Variants in RGS9 observed in about 807,000 individuals in gnomAD.
RGS9 encodes the protein regulator of G protein signaling 9, also known as regulator of G-protein signalling 9.
RGS9 carries 78 observed loss-of-function variants against 102.0 expected under a neutral mutation model. The ratio of observed to expected loss-of-function variants is 0.76; its 90% CI spans 0.64 to 0.92. The LOEUF is 0.92. Ranked by LOEUF, RGS9 falls within the 40% of genes least tolerant of loss-of-function variation. RGS9 has a pLI of 0.00. For missense variants in RGS9, 833 were observed against 866.1 expected (o/e 0.96, Z 0.48); for synonymous variants, 353 against 318.6 (o/e 1.11, Z -1.15).
intron 9 of RGS9, among the ~76,000 whole-genome samples, chr17:65,185,773 CA>C (rs1207288068): frequency 3.9e-5 from 6 of 152,154 alleles, no homozygotes; most frequent in African/African-American, 1.4e-4. Context: ...CAGGAGTATA[CA>C]AATTGTAAAC....
chr17:65,178,902 T>C (rs1911748154), intron 9 of RGS9, among the ~76,000 whole-genome samples: 1 of 152,130 alleles, frequency 6.6e-6, no homozygotes, highest in Admixed American at 6.6e-5. Flanking sequence ...TCCATTCCTC[T>C]CCCTGCCCAC....
chr17:65,214,884 AC>A (rs1402141319), intron 17 of RGS9, among the ~76,000 whole-genome samples: 1 of 151,988 alleles, frequency 6.6e-6, no homozygotes, highest in Non-Finnish European at 1.5e-5. Context: ...CTCCCCATCC[AC>A]CCCTGGCTGA....
At chr17:65,188,956 G>T in intron 9 of RGS9, 1 of 358,754 alleles carries the variant, frequency 2.8e-6, no homozygotes, top group African/African-American at 2.1e-5. Context: ...ACAGGAATCT[G>T]TATCTCTCAC....
intron 11 of RGS9, among the ~76,000 whole-genome samples, chr17:65,191,685 T>C (rs1001925530): frequency 6.6e-6 from 1 of 152,102 alleles, no homozygotes; most frequent in Non-Finnish European, 1.5e-5. Context: ...AGGAGGTGGC[T>C]TCAGTGAGCT....
chr17:65,172,313 C>T lies in RGS9; in HGVS notation c.582+4032C>T, dbSNP rs185335700. 3.5e-3 allele frequency among the ~76,000 whole-genome samples: 529 copies of T among 152,220 alleles called. 1 individual carries two copies. Among genetic ancestry groups the T allele is most frequent in the Non-Finnish European group, 5.0e-3 (343 of 68,006 alleles). On this transcript the variant is annotated intron_variant, in intron 8 of 18. Coordinates refer to ENST00000262406, the MANE Select transcript of RGS9 (RefSeq NM_003835.4). ...CTGCCTCTTGGGTTCAAGCAATTCT[C>T]CTGAATCAGCCTCCTGAGTAGCTGG...
chr17:65,209,237 GT>G (rs1396727901), intron 16 of RGS9, among the ~76,000 whole-genome samples: 1 of 152,142 alleles, frequency 6.6e-6, no homozygotes, highest in African/African-American at 2.4e-5. Context: ...ATGATCCCAG[GT>G]ATAAGACAAT....
intron 17 of RGS9, among the ~76,000 whole-genome samples, chr17:65,220,042 A>G (rs550670488): frequency 2.3e-4 from 35 of 151,702 alleles, no homozygotes; most frequent in Non-Finnish European, 4.7e-4. Flanking sequence ...CATCACCATC[A>G]TCACCATATC....
At chr17:65,145,508 C>T (rs1028253840) in intron 1 of RGS9, among the ~76,000 whole-genome samples, 2 of 151,302 alleles carry the variant, frequency 1.3e-5, no homozygotes, top group Non-Finnish European at 2.9e-5. Flanking sequence ...CCTGCCTCAG[C>T]TCCTGAGTAG....
At chr17:65,185,941 G>C (rs16960905) in intron 9 of RGS9, among the ~76,000 whole-genome samples, 45,532 of 152,002 alleles carry the variant, frequency 0.3, 10,478 homozygotes, top group African/African-American at 0.65. Context: ...ATCTGTGTGC[G>C]TCCACTCAGG....
chr17:65,190,306 C>T (rs943787020), intron 11 of RGS9, 70 bp downstream of exon 11: 1 of 1,202,078 alleles, frequency 8.3e-7, no homozygotes, highest in Non-Finnish European at 1.2e-6. Context: ...CTTCTGCAAA[C>T]TCGACAAGTC....
chr17:65,158,353 C>T lies in RGS9; in HGVS notation c.205+8C>T, dbSNP rs1433704616. ...TTTGGATCTCCAGTCTGGGTGAGAG[C>T]TCATCTGGCACTCAGTTATCCGGGA... On this transcript the variant is annotated splice_region_variant and intron_variant, in intron 3 of 18. Transcript: ENST00000262406. 6.2e-7 allele frequency: 1 copy of T among 1,613,358 alleles called. No homozygotes were observed. The highest frequency in any genetic ancestry group is 1.3e-5 in the African/African-American group (1 of 74,886).
intron 1 of RGS9, among the ~76,000 whole-genome samples, chr17:65,144,524 C>T (rs1403509505): frequency 1.3e-5 from 2 of 152,178 alleles, no homozygotes; most frequent in African/African-American, 4.8e-5. Flanking sequence ...CAGGGTCCCG[C>T]GGTGGCCTGG....
chr17:65,192,756 G>C (rs891135749), intron 11 of RGS9, among the ~76,000 whole-genome samples: 1 of 152,062 alleles, frequency 6.6e-6, no homozygotes, highest in Non-Finnish European at 1.5e-5. Context: ...TAGTGTGTTT[G>C]GACCAATTAA....
intron 13 of RGS9, among the ~76,000 whole-genome samples, chr17:65,199,390 A>T (rs1362510483): frequency 6.6e-6 from 1 of 152,118 alleles, no homozygotes; most frequent in African/African-American, 2.4e-5. Flanking sequence ...CATTTCATGT[A>T]AACGAAATCA....
At chr17:65,205,803 A>G (rs1374049129) in intron 15 of RGS9, among the ~76,000 whole-genome samples, 2 of 151,968 alleles carry the variant, frequency 1.3e-5, no homozygotes, top group Non-Finnish European at 2.9e-5. Flanking sequence ...TATGTAATAT[A>G]GGTTATATGA....
intron 3 of RGS9, 21 bp from the exon 4 acceptor site, chr17:65,160,212 T>C: frequency 6.4e-7 from 1 of 1,573,488 alleles, no homozygotes; most frequent in Non-Finnish European, 8.7e-7. Flanking sequence ...TTAACATCCA[T>C]GTCTGAACTG....
At chr17:65,140,578 A>G (rs553524853) in intron 1 of RGS9, among the ~76,000 whole-genome samples, 32 of 152,324 alleles carry the variant, frequency 2.1e-4, no homozygotes, top group African/African-American at 7.2e-4. Context: ...TTGCAAATTA[A>G]GAAGATCACT....
intron 1 of RGS9, among the ~76,000 whole-genome samples, chr17:65,138,540 G>T (rs978831587): frequency 6.6e-6 from 1 of 152,052 alleles, no homozygotes; most frequent in Non-Finnish European, 1.5e-5. Context: ...CGAGACGGTC[G>T]CATTTGGTCC....
intron 8 of RGS9, among the ~76,000 whole-genome samples, chr17:65,172,042 G>GCC (rs1209787023): frequency 6.6e-6 from 1 of 152,180 alleles, no homozygotes; most frequent in Admixed American, 6.5e-5. Flanking sequence ...AGAGATGTCT[G>GCC]CCCTCCATTT....
Sources: gnomAD v4.1 joint callset for allele counts (sites outside exome capture counted in the v4.1 genomes callset) on GRCh38, gnomAD v4.1.1 for gene constraint, MANE v1.5 for transcripts, NCBI Gene and HGNC (gene_info 2026-07-23, HGNC 2026-07-21) for gene names.